HSD17B4: variants seen among roughly 807,000 people sequenced by gnomAD.
HSD17B4 encodes the protein hydroxysteroid 17-beta dehydrogenase 4.
A neutral mutation model predicts 101.0 loss-of-function variants in HSD17B4; 70 were observed. The ratio of observed to expected loss-of-function variants is 0.69; its 90% CI spans 0.57 to 0.85. The LOEUF (loss-of-function observed/expected upper bound fraction) is 0.85, where lower values mean the gene tolerates loss of function less well. Among genes scored for constraint, HSD17B4 ranks in the 40% least tolerant of loss-of-function variants. The probability of loss-of-function intolerance (pLI) is 0.00; values close to 1 mark genes in which losing one functional copy is unlikely to be tolerated. For missense variants in HSD17B4, 984 were observed against 892.4 expected (o/e 1.10, Z -1.31); for synonymous variants, 347 against 297.1 (o/e 1.17, Z -1.73).
chr5:119,539,110 A>G (rs996759401), intron 23 of HSD17B4, among the ~76,000 whole-genome samples: 1 of 152,160 alleles, frequency 6.6e-6, no homozygotes, highest in Non-Finnish European at 1.5e-5. Flanking sequence ...AAATCGAGGG[A>G]AAAAAATAAA....
intron 2 of HSD17B4, among the ~76,000 whole-genome samples, chr5:119,466,477 A>C (rs570470247): frequency 6.6e-6 from 1 of 152,068 alleles, no homozygotes. Flanking sequence ...TACCCGCTTC[A>C]ATCTTGTTCT....
intron 18 of HSD17B4, among the ~76,000 whole-genome samples, chr5:119,525,501 G>A (rs1353843232): frequency 2.6e-5 from 4 of 152,118 alleles, no homozygotes; most frequent in Admixed American, 2.0e-4. Flanking sequence ...GGAAGTTCCC[G>A]CTAGTGCGAG....
intron 17 of HSD17B4, among the ~76,000 whole-genome samples, chr5:119,517,665 C>A (rs161855): frequency 6.6e-6 from 1 of 152,012 alleles, no homozygotes; most frequent in Non-Finnish European, 1.5e-5. Flanking sequence ...ACACACCAGT[C>A]AGCACCCTGT....
intron 15 of HSD17B4, 75 bp downstream of exon 15, chr5:119,506,964 G>T: frequency 1.3e-6 from 1 of 743,782 alleles, no homozygotes; most frequent in Non-Finnish European, 2.3e-6. Context: ...CTTCACCATA[G>T]AAGTTGATTA....
At chr5:119,537,131 C>T (rs963443062) in intron 23 of HSD17B4, among the ~76,000 whole-genome samples, 1 of 152,012 alleles carries the variant, frequency 6.6e-6, no homozygotes, top group Non-Finnish European at 1.5e-5. Context: ...AGGGAACTAA[C>T]TTATTGATTC....
intron 2 of HSD17B4, among the ~76,000 whole-genome samples, chr5:119,459,605 GC>G (rs1167780539): frequency 2.6e-5 from 4 of 152,122 alleles, no homozygotes; most frequent in Admixed American, 6.5e-5. Context: ...GGCTGAGTAG[GC>G]CAGTGCTGAG....
chr5:119,542,076 A>T lies in HSD17B4; in HGVS notation c.*82A>T. 1.1e-6 allele frequency: 1 copy of T among 923,536 alleles called. No homozygotes were observed. The highest frequency in any genetic ancestry group is 1.8e-6 in the Non-Finnish European group (1 of 564,202). The allele number at this position is 923,536 out of a possible 1,614,324, so 57.2% of individuals were successfully genotyped here. A position where few individuals can be genotyped will look rare whatever the true frequency, so the allele number is the denominator to read the frequency against. ...TATGCTTGATTATTCTGCAAAAGTG[A>T]TTAGAACTAAGATGCAGGGGAAATT... On this transcript the variant is annotated 3_prime_UTR_variant, in exon 24 of 24. Coordinates refer to ENST00000510025, the MANE Select transcript of HSD17B4 (RefSeq NM_000414.4).
chr5:119,540,160 TAG>T (rs1316961740), intron 23 of HSD17B4, among the ~76,000 whole-genome samples: 2 of 152,194 alleles, frequency 1.3e-5, no homozygotes, highest in Non-Finnish European at 2.9e-5. Flanking sequence ...TGGCAGTTTA[TAG>T]TCTTACTACT....
chr5:119,501,519 T>G (rs964753909), intron 13 of HSD17B4, among the ~76,000 whole-genome samples: 2 of 152,142 alleles, frequency 1.3e-5, no homozygotes, highest in Non-Finnish European at 2.9e-5. Flanking sequence ...GTATCTACTC[T>G]TTGTAGATAA....
rs988885170 is a variant in HSD17B4 at position 119,489,921 on chromosome 5, CTT to C, written c.714+640_714+641del. Among the ~76,000 whole-genome samples the C allele has an allele frequency of 5.9e-5, 9 of 152,042 alleles. No individual in the cohort carries two copies. The East Asian group carries it at 1.7e-3, about 29-fold the overall frequency. On this transcript the variant is annotated intron_variant, in intron 9 of 23. Coordinates refer to ENST00000510025, the MANE Select transcript of HSD17B4 (RefSeq NM_000414.4). ...CATGCAGTGAGATCCATTGTTCACT[CTT>C]TGATGAAAGTTCTTTTAGACCTTTT...
In HSD17B4 at chr5:119,489,261, A is replaced by G; in HGVS notation, c.692A>G (p.Glu231Gly). 1 of 1,612,158 alleles carries G rather than the reference A, an allele frequency of 6.2e-7. No homozygotes were observed. The highest frequency in any genetic ancestry group is 8.5e-7 in the Non-Finnish European group (1 of 1,178,496). The change falls in exon 9 of 24, where the codon GAG becomes GGG. Residue 231 changes from glutamate to glycine, a missense_variant. Glu to Gly is a moderately conservative substitution (Grantham distance 98, BLOSUM62 -2). Transcript: ENST00000510025. ...LVLWLCHESC[E>G]ENGGLFEVGA... Reference sequence around the variant, plus strand: ...CTTTGGCTTTGTCACGAGAGTTGTGAGGAGAATGGTGGCTTGTTTGAGGTA... The same window carrying G: ...CTTTGGCTTTGTCACGAGAGTTGTGGGGAGAATGGTGGCTTGTTTGAGGTA...
At chr5:119,459,942 C>T (rs1755052436) in intron 2 of HSD17B4, among the ~76,000 whole-genome samples, 2 of 149,402 alleles carry the variant, frequency 1.3e-5, no homozygotes, top group Admixed American at 1.3e-4. Flanking sequence ...GCTATCTCGG[C>T]TCACTGCAAG....
intron 17 of HSD17B4, among the ~76,000 whole-genome samples, chr5:119,523,246 A>G (rs2126866827): frequency 6.6e-6 from 1 of 152,282 alleles, no homozygotes; most frequent in East Asian, 1.9e-4. Flanking sequence ...AAATTAAGGA[A>G]TAGTTTACCT....
chr5:119,462,826 C>G (rs1447201540), intron 2 of HSD17B4, among the ~76,000 whole-genome samples: 1 of 152,140 alleles, frequency 6.6e-6, no homozygotes, highest in African/African-American at 2.4e-5. Flanking sequence ...TCCATCGCCT[C>G]AAACATTTAT....
chr5:119,503,483 A>AATATGAG (rs1751374364), intron 14 of HSD17B4, among the ~76,000 whole-genome samples: 1 of 152,166 alleles, frequency 6.6e-6, no homozygotes, highest in Non-Finnish European at 1.5e-5. Context: ...GAATGTTCAA[A>AATATGAG]ATATGAGATA....
chr5:119,473,899 G>T lies in HSD17B4; in HGVS notation c.113-9G>T. On this transcript the variant is annotated splice_polypyrimidine_tract_variant and intron_variant, in intron 2 of 23. Coordinates refer to ENST00000510025, the MANE Select transcript of HSD17B4 (RefSeq NM_000414.4). Reference sequence around the variant, plus strand: ...AATTAATTGTTGTTTGCTTGTTTTTGCATTACAGTGAATGATTTGGGAGGG... The same window carrying T: ...AATTAATTGTTGTTTGCTTGTTTTTTCATTACAGTGAATGATTTGGGAGGG... The T allele has an allele frequency of 6.8e-7, 1 of 1,461,292 alleles. No individual in the cohort carries two copies. The highest frequency in any genetic ancestry group is 9.6e-7 in the Non-Finnish European group (1 of 1,040,712). The allele number at this position is 1,461,292 out of a possible 1,614,324, so 90.5% of individuals were successfully genotyped here. A position where few individuals can be genotyped will look rare whatever the true frequency, so the allele number is the denominator to read the frequency against.
chr5:119,499,925 GGGA>G (rs1308205166), intron 13 of HSD17B4, among the ~76,000 whole-genome samples: 3 of 152,172 alleles, frequency 2.0e-5, no homozygotes, highest in Non-Finnish European at 4.4e-5. Flanking sequence ...AAGCAAGCCA[GGGA>G]GGAGTATTTA....
rs752858179 is a variant in HSD17B4, at chr5:119,531,403, G to C, written c.1992G>C (p.Trp664Cys). Reference protein sequence around the residue: ...ITKGGNIGAKWTIDLKSGSGK... With the variant: ...ITKGGNIGAKCTIDLKSGSGK... ...AAGGCGGAAATATTGGGGCTAAGTGGAGTAAGTTATAGCCCTGATTTTATA... is the reference window on the plus strand; with the variant it reads ...AAGGCGGAAATATTGGGGCTAAGTGCAGTAAGTTATAGCCCTGATTTTATA... The change falls in exon 22 of 24, where the codon TGG (tryptophan) becomes TGC (cysteine). Residue 664 changes from tryptophan to cysteine, a missense_variant and splice_region_variant. By Grantham distance (215) the Trp-to-Cys change is radical. Transcript: ENST00000510025. 13 of 1,612,270 alleles carry C rather than the reference G, an allele frequency of 8.1e-6. No homozygotes were observed. The Admixed American group carries it at 2.2e-4, about 27-fold the overall frequency.
At position 119,452,550 on chromosome 5, in the gene HSD17B4, T is replaced by A. The variant is rs375875650; in HGVS notation, c.-26T>A. On this transcript the variant is annotated 5_prime_UTR_variant, in exon 1 of 24. Coordinates refer to ENST00000510025, the MANE Select transcript of HSD17B4 (RefSeq NM_000414.4). ...GGCGTCCAGCGGCTCTGCTTGTTCG[T>A]GTGTGTGTCGTTGCAGGCCTTATTC... is the stretch of plus-strand genomic sequence containing the variant. 10 of 1,613,500 alleles carry A rather than the reference T, an allele frequency of 6.2e-6. No individual in the cohort carries two copies. In the African/African-American group the frequency reaches 1.3e-4, roughly 22 times the overall value.
Sources: allele counts gnomAD v4.1 joint callset (sites outside exome capture counted in the v4.1 genomes callset), GRCh38; gene constraint gnomAD v4.1.1; transcripts MANE v1.5; gene names NCBI Gene and HGNC (gene_info 2026-07-23, HGNC 2026-07-21).